ALOXE3: variants seen among roughly 807,000 people sequenced by gnomAD.
The protein encoded by ALOXE3 is hydroperoxide isomerase ALOXE3.
ALOXE3 carries 78 observed loss-of-function variants against 87.5 expected under a neutral mutation model. The observed-to-expected ratio is 0.89, with a 90% CI of 0.74 to 1.08. The LOEUF (loss-of-function observed/expected upper bound fraction) is 1.08. Ranked by LOEUF, ALOXE3 falls within the 50% of genes least tolerant of loss-of-function variation. The pLI, the probability that ALOXE3 is intolerant of heterozygous loss-of-function variation, is 0.00. For missense variants in ALOXE3, 946 were observed against 912.4 expected (o/e 1.04, Z -0.47); for synonymous variants, 363 against 370.8 (o/e 0.98, Z 0.24).
intron 15 of ALOXE3, among the ~76,000 whole-genome samples, chr17:8,097,339 G>T (rs1978606617): frequency 2.6e-5 from 4 of 152,042 alleles, no homozygotes; most frequent in Admixed American, 2.0e-4. Context: ...ACTGCTCTGT[G>T]AACTAAAAGA....
chr17:8,115,381 A>G (rs1170346897), intron 4 of ALOXE3, among the ~76,000 whole-genome samples: 1 of 152,182 alleles, frequency 6.6e-6, no homozygotes, highest in African/African-American at 2.4e-5. Context: ...CATCAGGGAC[A>G]GTTGAGGGCT....
chr17:8,103,543 C>T (rs757890081), intron 14 of ALOXE3, 50 bp from the exon 15 acceptor site: 2 of 1,590,694 alleles, frequency 1.3e-6, no homozygotes, highest in South Asian at 1.1e-5. Flanking sequence ...AGGGGAGTAT[C>T]ACCTCCCTCT....
chr17:8,113,979 C>G (rs1189523480), intron 6 of ALOXE3, among the ~76,000 whole-genome samples: 1 of 150,196 alleles, frequency 6.7e-6, no homozygotes, highest in Non-Finnish European at 1.5e-5. Context: ...GAGCCGAGAT[C>G]GCGGCACTGC....
At chr17:8,114,431 G>A in intron 6 of ALOXE3, 53 bp downstream of exon 6, 1 of 1,613,480 alleles carries the variant, frequency 6.2e-7, no homozygotes, top group South Asian at 1.1e-5. Flanking sequence ...GCACGGGGAG[G>A]GGGATGGATG....
intron 8 of ALOXE3, 41 bp from the exon 9 acceptor site, chr17:8,110,569 G>T (rs1979987549): frequency 1.9e-6 from 3 of 1,612,628 alleles, no homozygotes; most frequent in Non-Finnish European, 2.5e-6. Context: ...CTCCCTACTC[G>T]CGCTCCACTT....
chr17:8,107,866 A>G (rs1256803261), intron 13 of ALOXE3, among the ~76,000 whole-genome samples: 346 of 3,624 alleles, frequency 0.095, 25 homozygotes, highest in Non-Finnish European at 0.14. Context: ...AGAAAGAAAG[A>G]AAGAAAGAAA....
rs1555648800 is a variant in ALOXE3, at chr17:8,114,547, A to G, written c.617T>C (p.Met206Thr). 1.2e-6 allele frequency: 2 copies of G among 1,614,060 alleles called. No homozygotes were observed. The highest frequency in any genetic ancestry group is 1.1e-5 in the South Asian group (1 of 91,074). The change falls in exon 6 of 16, where the codon ATG becomes ACG. Residue 206 changes from methionine to threonine, a missense_variant. Physicochemically the swap from Met to Thr is moderately conservative, Grantham distance 81. Coordinates refer to ENST00000448843, the MANE Select transcript of ALOXE3 (RefSeq NM_021628.3). ...GGCTGAGTATCGAACATTGGGCTCCATGTACATCAGGGATGGGATGTCAAT... is the reference window on the plus strand; with the variant it reads ...GGCTGAGTATCGAACATTGGGCTCCGTGTACATCAGGGATGGGATGTCAAT... ...MKIDIPSLMY[M>T]EPNVRYSATK...
chr17:8,117,087 T>C, intron 2 of ALOXE3, 107 bp from the exon 3 acceptor site: 3 of 1,045,298 alleles, frequency 2.9e-6, no homozygotes, highest in Non-Finnish European at 4.3e-6. Flanking sequence ...CATACAAACC[T>C]GAGCTGCTCC....
chr17:8,107,809 A>C (rs1244888649), intron 13 of ALOXE3, among the ~76,000 whole-genome samples: 1,697 of 39,154 alleles, frequency 0.043, 222 homozygotes, highest in Middle Eastern at 0.11. Flanking sequence ...AAAAAAAAAA[A>C]CAAGAAAGAA....
At chr17:8,112,399 G>T (rs536307968) in intron 6 of ALOXE3, among the ~76,000 whole-genome samples, 1 of 152,184 alleles carries the variant, frequency 6.6e-6, no homozygotes, top group Admixed American at 6.5e-5. Flanking sequence ...CCATCCCTAA[G>T]ACAGGTCATT....
rs201444587 is a variant in ALOXE3 at position 8,096,757 on chromosome 17, C to A, written c.2006G>T (p.Arg669Met). 2.8e-4 allele frequency: 453 copies of A among 1,614,080 alleles called. No homozygotes were observed. The highest frequency in any genetic ancestry group is 3.8e-4 in the Non-Finnish European group (444 of 1,180,046). ...GCTCTGGAAGGCGGCGATGCTCCGCCTCGGGGCCTCCTCTGTGAAGTGCTC... is the reference window on the plus strand; with the variant it reads ...GCTCTGGAAGGCGGCGATGCTCCGCATCGGGGCCTCCTCTGTGAAGTGCTC... ...PDEHFTEEAP[R>M]RSIAAFQSRL... is the part of the protein sequence containing the mutation. Residue 669 changes from arginine (R) to methionine (M), a missense_variant, in exon 16 of 16, where the codon AGG (arginine) becomes ATG (methionine). Coordinates refer to ENST00000448843, the MANE Select transcript of ALOXE3 (RefSeq NM_021628.3).
chr17:8,096,753 C>T lies in ALOXE3; in HGVS notation c.2010G>A (p.Arg670=), dbSNP rs1978566416. Residue 670 remains arginine (R), a synonymous_variant, in exon 16 of 16, where the codon CGG becomes CGA. Transcript: ENST00000448843. ...DEHFTEEAPR[R]SIAAFQSRLA... The stretch of plus-strand genomic sequence containing the variant: ...GGCGGCTCTGGAAGGCGGCGATGCT[C>T]CGCCTCGGGGCCTCCTCTGTGAAGT... The T allele has an allele frequency of 6.2e-7, 1 of 1,614,218 alleles. No individual in the cohort carries two copies. Among genetic ancestry groups the T allele is most frequent in the South Asian group, 1.1e-5 (1 of 91,084 alleles).
At position 8,108,516 on chromosome 17, in the gene ALOXE3, A is replaced by T. The variant is rs1052942451; in HGVS notation, c.1636T>A (p.Trp546Arg). 7 of 1,613,428 alleles carry T rather than the reference A, an allele frequency of 4.3e-6. No homozygotes were observed. In the African/African-American group the frequency reaches 9.3e-5, roughly 22 times the overall value. ...SVQQDSELQA[W>R]TGEIFAQAFL... ...GCCTGAGCAAAAATCTCGCCAGTCC[A>T]GGCCTGCAGCTCCGAATCCTGCTGC... Residue 546 changes from tryptophan to arginine, a missense_variant, in exon 13 of 16, where the codon TGG (tryptophan) becomes AGG (arginine). Physicochemically the swap from Trp to Arg is moderately radical, Grantham distance 101 (BLOSUM62 -3). Transcript: ENST00000448843.
intron 14 of ALOXE3, 28 bp from the exon 15 acceptor site, chr17:8,103,521 C>A: frequency 6.2e-7 from 1 of 1,612,482 alleles, no homozygotes; most frequent in South Asian, 1.1e-5. Flanking sequence ...CCAGTTGGGT[C>A]AGTTGGCCAG....
In ALOXE3 at chr17:8,116,966, C is replaced by CT; in HGVS notation, c.161dup (p.Val55GlyfsTer9). On this transcript the variant is annotated frameshift_variant, in exon 3 of 16. Coordinates refer to ENST00000448843, the MANE Select transcript of ALOXE3 (RefSeq NM_021628.3). LOFTEE classifies it high-confidence loss of function. ...CACCCAGCTCCGCTGTGCAACGCAC[C>CT]TTGTACTTCTGTACCTGAGGGGACC... The CT allele has an allele frequency of 6.2e-7, 1 of 1,613,926 alleles. No homozygotes were observed. Among genetic ancestry groups the CT allele is most frequent in the South Asian group, 1.1e-5 (1 of 91,026 alleles).
At chr17:8,117,379 C>T (rs1980692206) in intron 2 of ALOXE3, among the ~76,000 whole-genome samples, 1 of 152,212 alleles carries the variant, frequency 6.6e-6, no homozygotes, top group African/African-American at 2.4e-5. Flanking sequence ...GAGATCACAC[C>T]ACTGCCCTCC....
At chr17:8,106,017 A>T (rs1276541693) in intron 13 of ALOXE3, among the ~76,000 whole-genome samples, 2 of 151,192 alleles carry the variant, frequency 1.3e-5, no homozygotes, top group Non-Finnish European at 2.9e-5. Context: ...CTGCAGAGGC[A>T]TGCAGGGCCA....
At position 8,110,205 on chromosome 17, in the gene ALOXE3, A is replaced by T; in HGVS notation, c.1192T>A (p.Ser398Thr). The change falls in exon 10 of 16, where the codon TCT becomes ACT. Residue 398 changes from serine to threonine, a missense_variant. Coordinates refer to ENST00000448843, the MANE Select transcript of ALOXE3 (RefSeq NM_021628.3). ...TTGTTTTCGTGCACCAGGAACTCAGAGTTGCGCACCCACGTCTTGGCCAGC... is the reference window on the plus strand; with the variant it reads ...TTGTTTTCGTGCACCAGGAACTCAGTGTTGCGCACCCACGTCTTGGCCAGC... ...WLLAKTWVRN[S>T]EFLVHENNTH... is the part of the protein sequence containing the mutation. 6.2e-7 allele frequency: 1 copy of T among 1,614,094 alleles called. No homozygotes were observed. Among genetic ancestry groups the T allele is most frequent in the Non-Finnish European group, 8.5e-7 (1 of 1,179,944 alleles).
Position 8,109,042 on chromosome 17 carries a change from C to A in ALOXE3, c.1562+132G>T. On this transcript the variant is annotated intron_variant, in intron 12 of 15. Coordinates refer to ENST00000448843, the MANE Select transcript of ALOXE3 (RefSeq NM_021628.3). ...TTCAGAAGGGACCCCAAACTCAATT[C>A]ATACCCTCAAGAATTCCCTATGCTA... The A allele has an allele frequency of 1.6e-5, 22 of 1,398,418 alleles. No individual in the cohort carries two copies. The South Asian group carries it at 2.6e-4, about 17-fold the overall frequency. 86.6% of individuals were successfully genotyped at this position (1,398,418 alleles called of 1,614,324 possible).
Sources: allele counts gnomAD v4.1 joint callset (sites outside exome capture counted in the v4.1 genomes callset), GRCh38; gene constraint gnomAD v4.1.1; transcripts MANE v1.5; gene names NCBI Gene and HGNC (gene_info 2026-07-23, HGNC 2026-07-21).